The following DEPDC1B variants were observed in gnomAD, a reference collection of about 807,000 sequenced individuals.
The protein encoded by DEPDC1B is DEP domain containing 1B, also known as DEP domain-containing protein 1B.
DEPDC1B carries 51 observed loss-of-function variants against 66.5 expected under a neutral mutation model. The observed-to-expected ratio is 0.77, with a 90% CI of 0.61 to 0.97. DEPDC1B has a LOEUF of 0.97. Ranked by LOEUF, DEPDC1B falls within the 50% of genes least tolerant of loss-of-function variation. The pLI, the probability that DEPDC1B is intolerant of heterozygous loss-of-function variation, is 0.00. For synonymous variants in DEPDC1B, 226 were observed against 223.6 expected (o/e 1.01, Z -0.10); for missense variants, 552 against 637.1 (o/e 0.87, Z 1.44).
At chr5:60,646,069 T>C (rs1753309405) in intron 3 of DEPDC1B, among the ~76,000 whole-genome samples, 1 of 152,212 alleles carries the variant, frequency 6.6e-6, no homozygotes, top group Non-Finnish European at 1.5e-5. Flanking sequence ...AAATATCAAG[T>C]AAGTGCAATG....
chr5:60,646,647 T>C (rs1442539030), intron 3 of DEPDC1B, among the ~76,000 whole-genome samples: 1 of 152,166 alleles, frequency 6.6e-6, no homozygotes, highest in South Asian at 2.1e-4. Flanking sequence ...GAACGAGGTG[T>C]CCTCAACCCA....
chr5:60,667,051 A>G (rs2111965692), intron 2 of DEPDC1B, among the ~76,000 whole-genome samples: 1 of 152,330 alleles, frequency 6.6e-6, no homozygotes, highest in East Asian at 1.9e-4. Context: ...TCTCAGCAAT[A>G]CAAAATCAAA....
intron 7 of DEPDC1B, among the ~76,000 whole-genome samples, chr5:60,607,830 T>C (rs1367352548): frequency 6.6e-6 from 1 of 152,122 alleles, no homozygotes; most frequent in African/African-American, 2.4e-5. Context: ...CATTGTAATG[T>C]GAGAGCATGC....
chr5:60,610,793 G>T (rs556399952), intron 7 of DEPDC1B, among the ~76,000 whole-genome samples: 1 of 152,292 alleles, frequency 6.6e-6, no homozygotes, highest in South Asian at 2.1e-4. Context: ...CATACAAAAA[G>T]ATATGTCTCA....
At chr5:60,616,242 C>A (rs904641002) in intron 7 of DEPDC1B, among the ~76,000 whole-genome samples, 1 of 152,224 alleles carries the variant, frequency 6.6e-6, no homozygotes, top group Non-Finnish European at 1.5e-5. Flanking sequence ...CACCTCTCCT[C>A]CTCCAAAGGA....
Position 60,653,269 on chromosome 5 carries a change from A to G in DEPDC1B, c.315-5736T>C, listed in dbSNP as rs183442994. ...CCTTTTTTGCCACATCCATTTCAACATCTTTTTATTTTTAATGGTCATTCT... is the reference window on the plus strand; with the variant it reads ...CCTTTTTTGCCACATCCATTTCAACGTCTTTTTATTTTTAATGGTCATTCT... On this transcript the variant is annotated intron_variant, in intron 2 of 10. Transcript: ENST00000265036. Among the ~76,000 whole-genome samples the G allele has an allele frequency of 9.9e-4, 147 of 149,012 alleles. 8 individuals are homozygous for G. Among genetic ancestry groups the G allele is most frequent in the Non-Finnish European group, 1.6e-3 (109 of 67,826 alleles).
chr5:60,698,505 T>C (rs1754704382), intron 1 of DEPDC1B, among the ~76,000 whole-genome samples: 1 of 152,166 alleles, frequency 6.6e-6, no homozygotes, highest in South Asian at 2.1e-4. Flanking sequence ...TCTTCCATCA[T>C]CCAGTAATAG....
At chr5:60,699,027 G>C (rs1355957823) in intron 1 of DEPDC1B, among the ~76,000 whole-genome samples, 1 of 152,068 alleles carries the variant, frequency 6.6e-6, no homozygotes, top group African/African-American at 2.4e-5. Flanking sequence ...AAAAAGTAAA[G>C]ACCCATCAGC....
chr5:60,666,597 C>T (rs895660371), intron 2 of DEPDC1B, among the ~76,000 whole-genome samples: 1 of 152,134 alleles, frequency 6.6e-6, no homozygotes, highest in Non-Finnish European at 1.5e-5. Flanking sequence ...GGAGTGTCTG[C>T]CAAGATTCCT....
At chr5:60,660,167 AAGAG>A (rs1264693209) in intron 2 of DEPDC1B, among the ~76,000 whole-genome samples, 3 of 151,128 alleles carry the variant, frequency 2.0e-5, no homozygotes, top group African/African-American at 4.9e-5. Flanking sequence ...GAGAGAGAGA[AAGAG>A]AGAGAGACAG....
intron 2 of DEPDC1B, among the ~76,000 whole-genome samples, chr5:60,659,550 C>T (rs1185218807): frequency 6.6e-6 from 1 of 152,172 alleles, no homozygotes; most frequent in Non-Finnish European, 1.5e-5. Context: ...CTGGGGAAGC[C>T]AAGGGCTGAC....
At chr5:60,645,836 A>C (rs1753303022) in intron 3 of DEPDC1B, among the ~76,000 whole-genome samples, 1 of 152,352 alleles carries the variant, frequency 6.6e-6, no homozygotes, top group African/African-American at 2.4e-5. Context: ...TCATGTTATA[A>C]ATGAATATTC....
intron 2 of DEPDC1B, among the ~76,000 whole-genome samples, chr5:60,658,437 A>G (rs1753627993): frequency 6.6e-6 from 1 of 151,878 alleles, no homozygotes; most frequent in Admixed American, 6.6e-5. Flanking sequence ...TGTCAAAGGG[A>G]AGATCTGGGG....
At chr5:60,679,855 A>G (rs1244801568) in intron 2 of DEPDC1B, among the ~76,000 whole-genome samples, 4 of 152,210 alleles carry the variant, frequency 2.6e-5, no homozygotes, top group Non-Finnish European at 5.9e-5. Flanking sequence ...AGAACCCACT[A>G]AGTTAGGTTT....
intron 2 of DEPDC1B, among the ~76,000 whole-genome samples, chr5:60,660,670 T>C (rs889780381): frequency 6.6e-6 from 1 of 152,168 alleles, no homozygotes; most frequent in Non-Finnish European, 1.5e-5. Flanking sequence ...TTCAGAACTA[T>C]CCTAAGTCAA....
chr5:60,625,213 C>T (rs1199262329), intron 7 of DEPDC1B, among the ~76,000 whole-genome samples: 3 of 152,100 alleles, frequency 2.0e-5, no homozygotes, highest in South Asian at 2.1e-4. Context: ...CATACGTGTG[C>T]ATGTGTCTTT....
chr5:60,643,256 C>T (rs1483640755), intron 5 of DEPDC1B, among the ~76,000 whole-genome samples: 1 of 152,154 alleles, frequency 6.6e-6, no homozygotes, highest in Non-Finnish European at 1.5e-5. Flanking sequence ...CAAACACCAC[C>T]AGCCCCTCAA....
At chr5:60,627,305 T>G (rs1238304017) in intron 7 of DEPDC1B, among the ~76,000 whole-genome samples, 2 of 152,202 alleles carry the variant, frequency 1.3e-5, no homozygotes, top group African/African-American at 4.8e-5. Context: ...GACCTACAAA[T>G]AAATTCAAAA....
chr5:60,691,055 C>CTT (rs58826050), intron 1 of DEPDC1B, among the ~76,000 whole-genome samples: 9,735 of 139,184 alleles, frequency 0.07, 587 homozygotes, highest in East Asian at 0.2. Context: ...ACTTTTTCTA[C>CTT]TTTTTTTTTT....
Sources: gnomAD v4.1 joint callset for allele counts (sites outside exome capture counted in the v4.1 genomes callset) on GRCh38, gnomAD v4.1.1 for gene constraint, MANE v1.5 for transcripts, NCBI Gene and HGNC (gene_info 2026-07-23, HGNC 2026-07-21) for gene names.